Variants in LRRC69 observed in about 807,000 individuals in gnomAD.
LRRC69 encodes leucine-rich repeat-containing protein 69.
In LRRC69, 42 loss-of-function variants were observed where a neutral mutation model predicts 37.8. The observed-to-expected ratio is 1.11, with a 90% confidence interval of 0.87 to 1.44. LRRC69 has a LOEUF of 1.44. Among genes scored for constraint, LRRC69 ranks in the 40% most tolerant of loss-of-function variants. The pLI is 0.00. For synonymous variants in LRRC69, 141 were observed against 143.1 expected, an observed-to-expected ratio of 0.99 and a Z score of 0.11; for missense variants, 357 against 401.9, an observed-to-expected ratio of 0.89 and a Z score of 0.96.
intron 1 of LRRC69, among the ~76,000 whole-genome samples, chr8:91,117,297 A>G (rs1428377021): frequency 6.6e-6 from 1 of 152,028 alleles, no homozygotes; most frequent in East Asian, 1.9e-4. Flanking sequence ...GCAGGCAGTA[A>G]TGAGTACTAG....
intron 1 of LRRC69, chr8:91,118,208 T>C (rs1337015800): frequency 4.4e-6 from 2 of 455,264 alleles, no homozygotes; most frequent in African/African-American, 4.0e-5. Flanking sequence ...AGGTGACTTG[T>C]AAAATTTCCT....
intron 1 of LRRC69, among the ~76,000 whole-genome samples, chr8:91,104,050 G>A (rs548701441): frequency 1.3e-5 from 2 of 151,638 alleles, no homozygotes; most frequent in African/African-American, 4.8e-5. Context: ...CTATTTTATT[G>A]ATTTGTCTAT....
chr8:91,207,330 G>A (rs1166445794), intron 7 of LRRC69, among the ~76,000 whole-genome samples: 1 of 152,198 alleles, frequency 6.6e-6, no homozygotes, highest in East Asian at 1.9e-4. Flanking sequence ...ACAGTGCTTA[G>A]TACAGTGGGT....
intron 3 of LRRC69, 22 bp from the exon 4 acceptor site, chr8:91,133,088 T>G (rs1227790409): frequency 5.9e-6 from 8 of 1,350,762 alleles, no homozygotes; most frequent in Non-Finnish European, 8.0e-6. Context: ...ATTCATATAC[T>G]TTGGTGTTTT....
intron 6 of LRRC69, among the ~76,000 whole-genome samples, chr8:91,196,315 T>G (rs1809599439): frequency 6.6e-6 from 1 of 151,820 alleles, no homozygotes; most frequent in African/African-American, 2.4e-5. Flanking sequence ...ATCTGACAAT[T>G]ATGTGTCTTG....
intron 7 of LRRC69, among the ~76,000 whole-genome samples, chr8:91,213,514 G>GCATT (rs1401189690): frequency 6.6e-6 from 1 of 152,204 alleles, no homozygotes. Context: ...CCTGCTTTAA[G>GCATT]CAGGGAACTG....
intron 5 of LRRC69, among the ~76,000 whole-genome samples, chr8:91,183,356 A>T (rs1809354241): frequency 6.6e-6 from 1 of 152,218 alleles, no homozygotes; most frequent in African/African-American, 2.4e-5. Flanking sequence ...GGTCTAAGGT[A>T]GTGGCAGGAA....
At chr8:91,148,775 C>A (rs1197940517) in intron 5 of LRRC69, among the ~76,000 whole-genome samples, 1 of 151,972 alleles carries the variant, frequency 6.6e-6, no homozygotes, top group Non-Finnish European at 1.5e-5. Context: ...GATTGCCATT[C>A]TAACTGGTGT....
At chr8:91,141,226 A>G (rs535326519) in intron 5 of LRRC69, among the ~76,000 whole-genome samples, 6 of 152,174 alleles carry the variant, frequency 3.9e-5, no homozygotes, top group African/African-American at 1.4e-4. Context: ...TGCTTGTTTT[A>G]TTAGTTTCCT....
Position 91,102,937 on chromosome 8 carries a change from C to T in LRRC69, c.183+93C>T, listed in dbSNP as rs988622835. Reference sequence around the variant, plus strand: ...GGTAAGAGACAGAACAATAACACTTCGATCTATGGAGACTTAGGTATCTGG... The same window carrying T: ...GGTAAGAGACAGAACAATAACACTTTGATCTATGGAGACTTAGGTATCTGG... On this transcript the variant is annotated intron_variant, in intron 1 of 7. Transcript: ENST00000448384. 65 of 1,188,152 alleles carry T rather than the reference C, an allele frequency of 5.5e-5. No individual in the cohort carries two copies. In the African/African-American group the frequency reaches 7.8e-4, roughly 14 times the overall value. 73.6% of individuals were successfully genotyped at this position (1,188,152 alleles called of 1,614,324 possible).
intron 5 of LRRC69, among the ~76,000 whole-genome samples, chr8:91,177,770 G>A (rs1809257321): frequency 6.6e-6 from 1 of 151,438 alleles, no homozygotes; most frequent in Non-Finnish European, 1.5e-5. Flanking sequence ...TTAAAAACCT[G>A]TATTTCTTTC....
At chr8:91,167,773 G>A (rs1809055145) in intron 5 of LRRC69, among the ~76,000 whole-genome samples, 1 of 151,924 alleles carries the variant, frequency 6.6e-6, no homozygotes, top group African/African-American at 2.4e-5. Context: ...GTTGGTGCCA[G>A]TCAGCACACC....
intron 2 of LRRC69, among the ~76,000 whole-genome samples, chr8:91,125,347 G>T (rs1418059578): frequency 6.6e-6 from 1 of 151,712 alleles, no homozygotes; most frequent in Non-Finnish European, 1.5e-5. Flanking sequence ...TTCACACAGA[G>T]TTTATTAATG....
rs1163294268 is a variant in LRRC69 at position 91,211,612 on chromosome 8, A to AT, written c.934-7277dup. ...ATTATACAAATATATATATATATAT[A>AT]TATATTTTTTTTTTATTTTTTTTGC... On this transcript the variant is annotated intron_variant, in intron 7 of 7. Transcript: ENST00000448384. Among the ~76,000 whole-genome samples, 724 of 135,294 alleles carry AT rather than the reference A, an allele frequency of 5.4e-3. 4 individuals are homozygous for AT. Among genetic ancestry groups the AT allele is most frequent in the Middle Eastern group, 0.02 (5 of 248 alleles). 88.8% of individuals were successfully genotyped at this position (135,294 alleles called of 152,430 possible). A position where few individuals can be genotyped will look rare whatever the true frequency, so the allele number is the denominator to read the frequency against.
At chr8:91,139,637 G>C (rs865937341) in intron 5 of LRRC69, among the ~76,000 whole-genome samples, 1 of 151,486 alleles carries the variant, frequency 6.6e-6, no homozygotes, top group African/African-American at 2.4e-5. Context: ...CAGCCTGGGC[G>C]ACAGAGTAAG....
At chr8:91,197,220 C>G (rs1420941188) in intron 6 of LRRC69, among the ~76,000 whole-genome samples, 1 of 152,188 alleles carries the variant, frequency 6.6e-6, no homozygotes, top group Non-Finnish European at 1.5e-5. Context: ...CAGCCGCGTG[C>G]TGGGAGAACC....
intron 5 of LRRC69, among the ~76,000 whole-genome samples, chr8:91,140,108 A>G (rs1041135084): frequency 2.6e-5 from 4 of 151,804 alleles, no homozygotes; most frequent in Admixed American, 2.0e-4. Context: ...AAAAAAAAAA[A>G]AAAAGTACTA....
chr8:91,171,039 TCAAA>T (rs903967370), intron 5 of LRRC69, among the ~76,000 whole-genome samples: 1 of 150,524 alleles, frequency 6.6e-6, no homozygotes, highest in Non-Finnish European at 1.5e-5. Flanking sequence ...TACAATGAAC[TCAAA>T]CAAATTTACA....
chr8:91,119,071 A>G (rs1813569971), intron 1 of LRRC69, among the ~76,000 whole-genome samples: 1 of 152,082 alleles, frequency 6.6e-6, no homozygotes, highest in African/African-American at 2.4e-5. Context: ...ACTTCCCAAC[A>G]TAGAAGCATT....
Sources: gnomAD v4.1 joint callset for allele counts (sites outside exome capture counted in the v4.1 genomes callset) on GRCh38, gnomAD v4.1.1 for gene constraint, MANE v1.5 for transcripts, NCBI Gene and HGNC (gene_info 2026-07-23, HGNC 2026-07-21) for gene names.